The following CCDC73 variants were observed in gnomAD, a reference collection of about 807,000 sequenced individuals.
CCDC73 encodes coiled-coil domain containing 73.
CCDC73 carries 95 observed loss-of-function variants against 116.5 expected under a neutral mutation model. The observed-to-expected ratio is 0.82, with a 90% CI of 0.69 to 0.97. The LOEUF (loss-of-function observed/expected upper bound fraction) is 0.97. CCDC73 is among the 50% of genes least tolerant of loss of function. The pLI, the probability that CCDC73 is intolerant of heterozygous loss-of-function variation, is 0.00. For missense variants in CCDC73, 1,066 were observed against 1,206.8 expected, an observed-to-expected ratio of 0.88 and a Z score of 1.73; for synonymous variants, 398 against 401.3, an observed-to-expected ratio of 0.99 and a Z score of 0.10.
intron 2 of CCDC73, among the ~76,000 whole-genome samples, chr11:32,737,410 C>G (rs1765910596): frequency 6.6e-6 from 1 of 151,946 alleles, no homozygotes; most frequent in Non-Finnish European, 1.5e-5. Context: ...GAGACCAGGT[C>G]AAGACCAGCC....
chr11:32,714,714 C>T (rs889502786), intron 3 of CCDC73, among the ~76,000 whole-genome samples: 2 of 152,018 alleles, frequency 1.3e-5, no homozygotes, highest in Non-Finnish European at 2.9e-5. Flanking sequence ...CAGAAAGAAA[C>T]AGCTACCATT....
At chr11:32,770,961 G>A (rs1190208641) in intron 1 of CCDC73, among the ~76,000 whole-genome samples, 1 of 152,150 alleles carries the variant, frequency 6.6e-6, no homozygotes, top group Admixed American at 6.6e-5. Flanking sequence ...AGGTAAGAAT[G>A]TTAAGAACAT....
At chr11:32,830,304 A>G in the CCDC73 span, 1 of 840,522 alleles carries the variant, frequency 1.2e-6, no homozygotes, top group African/African-American at 1.8e-5. Context: ...AGCCCTCGGC[A>G]GGGTCACTGG....
At chr11:32,738,669 T>C (rs144864525) in intron 2 of CCDC73, among the ~76,000 whole-genome samples, 5 of 152,302 alleles carry the variant, frequency 3.3e-5, no homozygotes, top group African/African-American at 1.2e-4. Context: ...ACTTTGTTGA[T>C]TGTTTCTTTT....
upstream of CCDC73, among the ~76,000 whole-genome samples, chr11:32,798,579 T>C (rs1047214257): frequency 2.6e-5 from 4 of 152,266 alleles, no homozygotes; most frequent in African/African-American, 9.6e-5. Context: ...GTGCTGGGAT[T>C]ACAGGCGTGA....
At chr11:32,609,790 A>G (rs1590541042) in intron 17 of CCDC73, among the ~76,000 whole-genome samples, 1 of 151,602 alleles carries the variant, frequency 6.6e-6, no homozygotes, top group South Asian at 2.1e-4. Flanking sequence ...AATTTTTTTT[A>G]TTTTTTTGAG....
chr11:32,699,429 A>G (rs1170909058), intron 5 of CCDC73, 104 bp from the exon 6 acceptor site: 2 of 1,228,512 alleles, frequency 1.6e-6, no homozygotes, highest in African/African-American at 1.6e-5. Flanking sequence ...CTGTATTTCA[A>G]TACTTTCTAA....
intron 2 of CCDC73, among the ~76,000 whole-genome samples, chr11:32,733,189 C>T (rs912761809): frequency 2.4e-4 from 37 of 152,140 alleles, no homozygotes; most frequent in African/African-American, 8.4e-4. Context: ...TATATAATGG[C>T]AAAGGGATCA....
chr11:32,746,321 G>A (rs989797628), intron 2 of CCDC73, among the ~76,000 whole-genome samples: 1 of 152,218 alleles, frequency 6.6e-6, no homozygotes, highest in Non-Finnish European at 1.5e-5. Context: ...GCTTCCCTTT[G>A]TGGGTAACCC....
intron 2 of CCDC73, among the ~76,000 whole-genome samples, chr11:32,733,916 G>C (rs886069228): frequency 6.6e-6 from 1 of 152,118 alleles, no homozygotes; most frequent in South Asian, 2.1e-4. Flanking sequence ...AAATAACTAA[G>C]ATCAGAGCAG....
At chr11:32,616,894 T>G (rs762244014) in intron 14 of CCDC73, among the ~76,000 whole-genome samples, 3 of 152,168 alleles carry the variant, frequency 2.0e-5, no homozygotes, top group Admixed American at 6.6e-5. Flanking sequence ...TATGGGCACA[T>G]GCAGGAATAG....
At chr11:32,731,249 C>A (rs189160100) in intron 2 of CCDC73, among the ~76,000 whole-genome samples, 1 of 152,004 alleles carries the variant, frequency 6.6e-6, no homozygotes, top group South Asian at 2.1e-4. Flanking sequence ...ACTGCTGAGG[C>A]TTGAGTAGGT....
intron 13 of CCDC73, among the ~76,000 whole-genome samples, chr11:32,637,256 C>T (rs1035461113): frequency 6.6e-6 from 1 of 151,942 alleles, no homozygotes; most frequent in Non-Finnish European, 1.5e-5. Flanking sequence ...TGTGATCCGC[C>T]CACCTCGGCC....
chr11:32,669,136 T>C (rs1856013462), intron 9 of CCDC73, among the ~76,000 whole-genome samples: 1 of 152,122 alleles, frequency 6.6e-6, no homozygotes, highest in Admixed American at 6.6e-5. Context: ...AATCTAGTTG[T>C]TTCAGTAATT....
intron 1 of CCDC73, among the ~76,000 whole-genome samples, chr11:32,766,584 T>A (rs1278685187): frequency 6.6e-6 from 1 of 152,194 alleles, no homozygotes; most frequent in Non-Finnish European, 1.5e-5. Flanking sequence ...AAAATCTCCT[T>A]AAGCTGATAA....
At chr11:32,744,729 T>C (rs1850219222) in intron 2 of CCDC73, among the ~76,000 whole-genome samples, 1 of 152,246 alleles carries the variant, frequency 6.6e-6, no homozygotes, top group Non-Finnish European at 1.5e-5. Context: ...CAGTAGTTTG[T>C]ATTTCTGTGG....
chr11:32,703,024 T>C lies in CCDC73; in HGVS notation c.208-80A>G, dbSNP rs1329974350. ...CTTTAAATCTTAACTAGGTTCACAA[T>C]TTAAAGTCAACCATACCTTCTACAT... is the stretch of plus-strand genomic sequence containing the variant. On this transcript the variant is annotated intron_variant, in intron 3 of 17. Transcript: ENST00000335185. 6 of 945,598 alleles carry C rather than the reference T, an allele frequency of 6.3e-6. No individual in the cohort carries two copies. In the African/African-American group the frequency reaches 9.7e-5, roughly 15 times the overall value. The allele number at this position is 945,598 out of a possible 1,614,324, so 58.6% of individuals were successfully genotyped here. A position where few individuals can be genotyped will look rare whatever the true frequency, so the allele number is the denominator to read the frequency against.
chr11:32,620,000 A>AAG (rs1163562353), intron 14 of CCDC73, among the ~76,000 whole-genome samples: 1 of 152,178 alleles, frequency 6.6e-6, no homozygotes, highest in African/African-American at 2.4e-5. Flanking sequence ...GGGAGAGGCA[A>AAG]AGAGAGAGAA....
At chr11:32,716,268 C>A (rs1310282041) in intron 3 of CCDC73, among the ~76,000 whole-genome samples, 1 of 152,106 alleles carries the variant, frequency 6.6e-6, no homozygotes, top group Admixed American at 6.5e-5. Context: ...AGCTCTAATA[C>A]CATTTCTTGA....
Sources: gnomAD v4.1 joint callset for allele counts (sites outside exome capture counted in the v4.1 genomes callset) on GRCh38, gnomAD v4.1.1 for gene constraint, MANE v1.5 for transcripts, NCBI Gene and HGNC (gene_info 2026-07-23, HGNC 2026-07-21) for gene names.